Variants in SDK1 observed in about 807,000 individuals in gnomAD.
The protein encoded by SDK1 is protein sidekick-1.
Under a neutral mutation model 245.5 loss-of-function variants are expected in SDK1, and 157 were observed. That is an observed-to-expected ratio of 0.64 (90% CI 0.56 to 0.73). SDK1 has a LOEUF of 0.73. Ranked by LOEUF, SDK1 falls within the 30% of genes least tolerant of loss-of-function variation. The pLI is 0.00. For synonymous variants in SDK1, 1,647 were observed against 1,278.5 expected, an observed-to-expected ratio of 1.29 and a Z score of -6.15; for missense variants, 3,583 against 3,002.3, an observed-to-expected ratio of 1.19 and a Z score of -4.52.
intron 4 of SDK1, among the ~76,000 whole-genome samples, chr7:3,811,020 T>C (rs1779370593): frequency 6.6e-6 from 1 of 152,222 alleles, no homozygotes; most frequent in African/African-American, 2.4e-5. Context: ...AAGTATTTGA[T>C]ATTTAGCCCC....
At chr7:3,883,197 T>A (rs1265441326) in intron 5 of SDK1, among the ~76,000 whole-genome samples, 1 of 152,198 alleles carries the variant, frequency 6.6e-6, no homozygotes, top group Non-Finnish European at 1.5e-5. Context: ...CACACAGGCT[T>A]CGACCAGAGA....
At chr7:3,343,333 A>G (rs980008388) in intron 1 of SDK1, among the ~76,000 whole-genome samples, 3 of 152,346 alleles carry the variant, frequency 2.0e-5, no homozygotes, top group Non-Finnish European at 4.4e-5. Flanking sequence ...ACTTCTCACA[A>G]TAAAAAGGGC....
chr7:3,581,814 C>T (rs1463269152), intron 1 of SDK1, among the ~76,000 whole-genome samples: 1 of 152,188 alleles, frequency 6.6e-6, no homozygotes, highest in African/African-American at 2.4e-5. Flanking sequence ...TACTATGCGG[C>T]CATGAAATAG....
intron 35 of SDK1, among the ~76,000 whole-genome samples, chr7:4,204,388 C>T (rs1485847699): frequency 6.6e-6 from 1 of 152,088 alleles, no homozygotes; most frequent in East Asian, 1.9e-4. Context: ...CTGGTGTGGG[C>T]TATTAACATT....
intron 4 of SDK1, among the ~76,000 whole-genome samples, chr7:3,692,856 C>T (rs1432537507): frequency 2.6e-5 from 4 of 151,930 alleles, no homozygotes; most frequent in African/African-American, 7.3e-5. Context: ...TTGGCACCAT[C>T]GAGTATTGCA....
intron 4 of SDK1, among the ~76,000 whole-genome samples, chr7:3,760,848 T>C (rs1340794578): frequency 1.3e-5 from 2 of 152,244 alleles, no homozygotes; most frequent in South Asian, 2.1e-4. Flanking sequence ...ATTTAAGATC[T>C]ATTTATGCTG....
At chr7:4,070,198 A>G (rs1780160285) in intron 20 of SDK1, among the ~76,000 whole-genome samples, 2 of 152,194 alleles carry the variant, frequency 1.3e-5, no homozygotes, top group African/African-American at 4.8e-5. Flanking sequence ...TTCAGTGACC[A>G]CAGTTAGTTC....
At chr7:3,751,039 G>C (rs1241105301) in intron 4 of SDK1, among the ~76,000 whole-genome samples, 1 of 152,152 alleles carries the variant, frequency 6.6e-6, no homozygotes, top group Admixed American at 6.5e-5. Context: ...CCCACCATCA[G>C]CAATACCTTC....
intron 1 of SDK1, among the ~76,000 whole-genome samples, chr7:3,500,487 C>T (rs745805729): frequency 6.6e-6 from 1 of 152,148 alleles, no homozygotes; most frequent in Non-Finnish European, 1.5e-5. Flanking sequence ...CTTCTTGCTT[C>T]CAGTGTTGCT....
At chr7:3,920,630 C>T (rs546838835) in intron 5 of SDK1, among the ~76,000 whole-genome samples, 63 of 152,192 alleles carry the variant, frequency 4.1e-4, no homozygotes, top group African/African-American at 1.5e-3. Flanking sequence ...TGGAACTATC[C>T]GGAGGCAAGG....
chr7:3,938,025 C>T (rs1006878767), intron 5 of SDK1, among the ~76,000 whole-genome samples: 6 of 152,156 alleles, frequency 3.9e-5, no homozygotes, highest in Admixed American at 2.6e-4. Context: ...TTAGTAGAAA[C>T]GGGATTTCAC....
chr7:3,661,321 A>G (rs1387922676), intron 4 of SDK1, among the ~76,000 whole-genome samples: 1 of 152,242 alleles, frequency 6.6e-6, no homozygotes, highest in African/African-American at 2.4e-5. Flanking sequence ...TTTTAGTTAA[A>G]TGTAAGAATT....
chr7:3,755,788 C>A lies in SDK1; in HGVS notation c.714-65662C>A, dbSNP rs144443841. ...AGTATGGAGCTTTTTGAACCTGAGT[C>A]CCTTCACGTGGTATAGTGCATCTGA... On this transcript the variant is annotated intron_variant, in intron 4 of 44. Coordinates refer to ENST00000404826, the MANE Select transcript of SDK1 (RefSeq NM_152744.4). 3.3e-4 allele frequency among the ~76,000 whole-genome samples: 50 copies of A among 152,254 alleles called. No individual in the cohort carries two copies. The East Asian group carries it at 9.5e-3, about 29-fold the overall frequency.
intron 5 of SDK1, among the ~76,000 whole-genome samples, chr7:3,844,518 C>T (rs543839377): frequency 6.6e-6 from 1 of 152,312 alleles, no homozygotes; most frequent in Non-Finnish European, 1.5e-5. Context: ...TGGGCACCCA[C>T]AGTGTTGCTC....
intron 1 of SDK1, among the ~76,000 whole-genome samples, chr7:3,489,715 C>T (rs17133423): frequency 0.096 from 14,584 of 152,130 alleles, 1,017 homozygotes; most frequent in African/African-American, 0.19. Flanking sequence ...AGTAGCTTTT[C>T]TTAAGGCAAC....
intron 1 of SDK1, among the ~76,000 whole-genome samples, chr7:3,535,537 G>T (rs1446624020): frequency 6.6e-6 from 1 of 152,122 alleles, no homozygotes; most frequent in Non-Finnish European, 1.5e-5. Context: ...GTGACCTTAT[G>T]CAGGCTTCTT....
At chr7:3,932,005 T>C (rs1779993273) in intron 5 of SDK1, among the ~76,000 whole-genome samples, 1 of 152,184 alleles carries the variant, frequency 6.6e-6, no homozygotes, top group African/African-American at 2.4e-5. Context: ...TTACTGTTCA[T>C]TGGTTTGGAT....
At chr7:3,830,795 C>T (rs1461775416) in intron 5 of SDK1, among the ~76,000 whole-genome samples, 2 of 152,120 alleles carry the variant, frequency 1.3e-5, no homozygotes, top group Non-Finnish European at 2.9e-5. Context: ...CTGCACCTGG[C>T]CTAACAATTT....
chr7:3,982,706 G>A (rs557436456), intron 13 of SDK1, among the ~76,000 whole-genome samples: 1 of 152,242 alleles, frequency 6.6e-6, no homozygotes, highest in South Asian at 2.1e-4. Flanking sequence ...CGGGCTTGGT[G>A]GCGGGTGCCT....
Sources: allele counts gnomAD v4.1 joint callset (sites outside exome capture counted in the v4.1 genomes callset), GRCh38; gene constraint gnomAD v4.1.1; transcripts MANE v1.5; gene names NCBI Gene and HGNC (gene_info 2026-07-23, HGNC 2026-07-21).